ACVR2A: variants seen among roughly 807,000 people sequenced by gnomAD.
ACVR2A encodes the protein activin A receptor type 2A.
A neutral mutation model predicts 61.4 loss-of-function variants in ACVR2A; 7 were observed. The observed-to-expected ratio is 0.11, with a 90% CI of 0.06 to 0.21. The LOEUF is 0.21. ACVR2A is among the 10% of genes least tolerant of loss of function. The probability of loss-of-function intolerance (pLI) is 1.00; values close to 1 mark genes in which losing one functional copy is unlikely to be tolerated. For synonymous variants in ACVR2A, 193 were observed against 208.3 expected (o/e 0.93, Z 0.63); for missense variants, 322 against 621.7 (o/e 0.52, Z 5.13).
intron 1 of ACVR2A, among the ~76,000 whole-genome samples, chr2:147,866,216 G>T (rs1685850875): frequency 6.6e-6 from 1 of 152,190 alleles, no homozygotes; most frequent in Admixed American, 6.5e-5. Context: ...GTAAGGGAAT[G>T]ATTTAGACTA....
chr2:147,850,061 C>T (rs1418111725), intron 1 of ACVR2A, among the ~76,000 whole-genome samples: 3 of 152,110 alleles, frequency 2.0e-5, no homozygotes, highest in African/African-American at 7.2e-5. Flanking sequence ...AGGTTGGCAA[C>T]ATTTGATACT....
At chr2:147,906,512 G>C (rs1686991432) in intron 4 of ACVR2A, among the ~76,000 whole-genome samples, 1 of 152,160 alleles carries the variant, frequency 6.6e-6, no homozygotes, top group African/African-American at 2.4e-5. Flanking sequence ...TGGAGGAAGG[G>C]AGGAAAAATG....
intron 1 of ACVR2A, among the ~76,000 whole-genome samples, chr2:147,852,385 T>G (rs899179590): frequency 1.3e-5 from 2 of 152,094 alleles, no homozygotes; most frequent in Non-Finnish European, 2.9e-5. Context: ...ATTGACCAAC[T>G]AATGGATTGT....
intron 1 of ACVR2A, among the ~76,000 whole-genome samples, chr2:147,850,382 C>T (rs1685413962): frequency 6.6e-6 from 1 of 152,138 alleles, no homozygotes; most frequent in Admixed American, 6.6e-5. Context: ...ACCTCGCACA[C>T]CCTCTTGGGA....
intron 4 of ACVR2A, among the ~76,000 whole-genome samples, chr2:147,906,818 AT>A (rs369876665): frequency 0.06 from 7,414 of 123,356 alleles, 422 homozygotes; most frequent in African/African-American, 0.17. Flanking sequence ...TATCAAGTCC[AT>A]TTTTTTTTTT....
At chr2:147,925,875 G>A (rs1457503029) in intron 9 of ACVR2A, 156 bp from the exon 10 acceptor site, 2 of 668,306 alleles carry the variant, frequency 3.0e-6, no homozygotes, top group Non-Finnish European at 4.8e-6. Flanking sequence ...GTCACACTGT[G>A]GTATAAGTAC....
intron 1 of ACVR2A, among the ~76,000 whole-genome samples, chr2:147,857,824 G>A (rs909580610): frequency 6.8e-6 from 1 of 147,804 alleles, no homozygotes; most frequent in East Asian, 2.0e-4. Flanking sequence ...ATATACATGC[G>A]ACTTAAAAAA....
chr2:147,906,626 G>A (rs1180887871), intron 4 of ACVR2A, among the ~76,000 whole-genome samples: 1 of 152,118 alleles, frequency 6.6e-6, no homozygotes, highest in Non-Finnish European at 1.5e-5. Flanking sequence ...TAGAGTAACA[G>A]CTTCAAAATT....
intron 1 of ACVR2A, among the ~76,000 whole-genome samples, chr2:147,846,214 C>T: frequency 6.6e-6 from 1 of 151,548 alleles, no homozygotes; most frequent in East Asian, 1.9e-4. Flanking sequence ...AAATAAGTCT[C>T]ATTGGATCTA....
At chr2:147,894,681 A>G (rs2105188241) in intron 1 of ACVR2A, among the ~76,000 whole-genome samples, 1 of 152,268 alleles carries the variant, frequency 6.6e-6, no homozygotes, top group Admixed American at 6.5e-5. Flanking sequence ...TGCTGATGGT[A>G]GTAGATAAAA....
At chr2:147,925,917 A>T (rs1687490218) in intron 9 of ACVR2A, 114 bp from the exon 10 acceptor site, 1 of 1,048,146 alleles carries the variant, frequency 9.5e-7, no homozygotes, top group Middle Eastern at 2.3e-4. Context: ...CTGTCCTCAT[A>T]GCATGTAAAC....
chr2:147,869,248 G>A (rs148431797), intron 1 of ACVR2A, among the ~76,000 whole-genome samples: 5 of 152,242 alleles, frequency 3.3e-5, no homozygotes, highest in Non-Finnish European at 5.9e-5. Flanking sequence ...ATTGCTTGTT[G>A]AAATTGGTAA....
chr2:147,905,478 C>T (rs1244210232), intron 4 of ACVR2A, among the ~76,000 whole-genome samples: 3 of 151,798 alleles, frequency 2.0e-5, no homozygotes, highest in Non-Finnish European at 4.4e-5. Flanking sequence ...ACTCACATCT[C>T]ACAAATATTT....
intron 4 of ACVR2A, among the ~76,000 whole-genome samples, chr2:147,906,818 ATTTT>A (rs369876665): frequency 0.022 from 2,765 of 123,388 alleles, 43 homozygotes; most frequent in African/African-American, 0.05. Context: ...TATCAAGTCC[ATTTT>A]TTTTTTTTTT....
chr2:147,878,522 G>A (rs905854007), intron 1 of ACVR2A, among the ~76,000 whole-genome samples: 3 of 151,960 alleles, frequency 2.0e-5, no homozygotes, highest in African/African-American at 4.8e-5. Flanking sequence ...ATGTCTATCT[G>A]AAATTTTTGG....
chr2:147,880,667 T>A (rs949750909), intron 1 of ACVR2A, among the ~76,000 whole-genome samples: 1 of 152,220 alleles, frequency 6.6e-6, no homozygotes, highest in African/African-American at 2.4e-5. Context: ...AAAATTGAGC[T>A]TCTCATTTTT....
chr2:147,862,563 G>A (rs1453923911), intron 1 of ACVR2A, among the ~76,000 whole-genome samples: 4 of 152,070 alleles, frequency 2.6e-5, no homozygotes, highest in Admixed American at 6.5e-5. Flanking sequence ...GGCCAACATG[G>A]TGCAACCCCG....
chr2:147,906,045 A>G (rs1188172544), intron 4 of ACVR2A, among the ~76,000 whole-genome samples: 1 of 152,056 alleles, frequency 6.6e-6, no homozygotes, highest in Non-Finnish European at 1.5e-5. Context: ...GGACCAGACT[A>G]TATAATTTAT....
intron 10 of ACVR2A, 140 bp downstream of exon 10, chr2:147,926,301 AG>A (rs1470022331): frequency 3.5e-5 from 37 of 1,060,362 alleles, no homozygotes; most frequent in Admixed American, 3.2e-4. Context: ...AGAGTTCTAG[AG>A]GCAGAATTAG....
Sources: allele counts gnomAD v4.1 joint callset (sites outside exome capture counted in the v4.1 genomes callset), GRCh38; gene constraint gnomAD v4.1.1; transcripts MANE v1.5; gene names NCBI Gene and HGNC (gene_info 2026-07-23, HGNC 2026-07-21).